Variants in LRRC8B observed in about 807,000 individuals in gnomAD.
LRRC8B encodes the protein leucine rich repeat containing 8 VRAC subunit B.
In LRRC8B, 23 loss-of-function variants were observed where a neutral mutation model predicts 58.8. That is an observed-to-expected ratio of 0.39 (90% CI 0.28 to 0.55). The LOEUF is 0.55. Among genes scored for constraint, LRRC8B ranks in the 20% least tolerant of loss-of-function variants. The pLI is 0.62. For missense variants in LRRC8B, 694 were observed against 936.0 expected (o/e 0.74, Z 3.37); for synonymous variants, 359 against 374.1 (o/e 0.96, Z 0.47).
At chr1:89,575,661 C>T (rs1653788087) in intron 3 of LRRC8B, among the ~76,000 whole-genome samples, 3 of 151,558 alleles carry the variant, frequency 2.0e-5, no homozygotes, top group African/African-American at 7.2e-5. Flanking sequence ...TGAATACACC[C>T]TAAAAGTTTG....
chr1:89,562,080 G>A (rs558869163), intron 1 of LRRC8B, among the ~76,000 whole-genome samples: 1 of 150,290 alleles, frequency 6.7e-6, no homozygotes, highest in Non-Finnish European at 1.5e-5. Flanking sequence ...TTTCACATAG[G>A]CACCCAGTAA....
intron 1 of LRRC8B, among the ~76,000 whole-genome samples, chr1:89,548,520 T>C (rs1651576236): frequency 6.6e-6 from 1 of 152,200 alleles, no homozygotes; most frequent in African/African-American, 2.4e-5. Context: ...ATTAAGTTAA[T>C]GTGAGTTTCT....
chr1:89,580,488 C>T (rs971216958), intron 4 of LRRC8B, among the ~76,000 whole-genome samples: 3 of 152,170 alleles, frequency 2.0e-5, no homozygotes, highest in Admixed American at 2.0e-4. Flanking sequence ...TTCTTTCATC[C>T]AGCAGTGTTT....
At chr1:89,579,812 A>G (rs1325941271) in intron 4 of LRRC8B, 124 bp downstream of exon 4, 1 of 152,498 alleles carries the variant, frequency 6.6e-6, no homozygotes, top group African/African-American at 2.4e-5. Context: ...ATTCTTCTAC[A>G]ATTTCAGTTG....
At chr1:89,527,959 A>G (rs1649824293) in intron 1 of LRRC8B, among the ~76,000 whole-genome samples, 1 of 152,238 alleles carries the variant, frequency 6.6e-6, no homozygotes, top group Non-Finnish European at 1.5e-5. Context: ...ACCTGAGTAA[A>G]GGAAATGAAT....
intron 1 of LRRC8B, among the ~76,000 whole-genome samples, chr1:89,556,601 T>G (rs2100933927): frequency 6.6e-6 from 1 of 152,138 alleles, no homozygotes; most frequent in East Asian, 1.9e-4. Flanking sequence ...GATTGAATTT[T>G]AGGACACCCA....
Position 89,583,526 on chromosome 1 carries a change from T to A in LRRC8B, c.876T>A (p.Asp292Glu). 6.2e-7 allele frequency: 1 copy of A among 1,613,148 alleles called. No individual in the cohort carries two copies. Among genetic ancestry groups the A allele is most frequent in the Non-Finnish European group, 8.5e-7 (1 of 1,180,048 alleles). Residue 292 changes from aspartate (D) to glutamate (E), a missense_variant, in exon 5 of 6, where the codon GAT becomes GAA. Transcript: ENST00000330947. The surrounding 1 kb of genome is among the most constrained non-coding windows in gnomAD (Gnocchi z 5.2). ...HITLEIDCSV[D>E]VQAFTGYKRY... ...CTCTTGAAATCGACTGTTCAGTTGA[T>A]GTGCAGGCTTTTACAGGATATAAGC...
rs1199632309 is a variant in LRRC8B at position 89,584,548 on chromosome 1, A to AGAATC, written c.1899_1903dup (p.Leu635ArgfsTer6). On this transcript the variant is annotated frameshift_variant, in exon 5 of 6. Transcript: ENST00000330947. LOFTEE classifies it high-confidence loss of function. The stretch of plus-strand genomic sequence containing the variant: ...GAGATCATTAGCTTTCAGCATCTTC[A>AGAATC]GAATCTTTCCTGCTTAAAGTTGTGG... The AGAATC allele has an allele frequency of 6.2e-7, 1 of 1,614,120 alleles. No homozygotes were observed. The highest frequency in any genetic ancestry group is 1.3e-5 in the African/African-American group (1 of 74,946).
At chr1:89,531,579 A>AATAG (rs1196703322) in intron 1 of LRRC8B, among the ~76,000 whole-genome samples, 1 of 152,130 alleles carries the variant, frequency 6.6e-6, no homozygotes, top group Non-Finnish European at 1.5e-5. Context: ...CCTCAGATAG[A>AATAG]ATAGATGGTA....
In LRRC8B at chr1:89,558,510, C is replaced by T. The variant is rs566325179; in HGVS notation, c.-240-9737C>T. Among the ~76,000 whole-genome samples the T allele has an allele frequency of 2.9e-3, 445 of 152,194 alleles. 3 individuals are homozygous for T. The highest frequency in any genetic ancestry group is 4.3e-3 in the Non-Finnish European group (292 of 68,010). On this transcript the variant is annotated intron_variant, in intron 1 of 5. Coordinates refer to ENST00000330947, the MANE Select transcript of LRRC8B (RefSeq NM_001369817.2). ...GAAAGGAGGCAATTTCAGAGTCGTC[C>T]AGCCCAAAGATGACATGGGCCCCAT...
Position 89,583,203 on chromosome 1 carries a change from A to C in LRRC8B, c.553A>C (p.Lys185Gln). The C allele has an allele frequency of 2.5e-6, 4 of 1,614,132 alleles. No homozygotes were observed. The highest frequency in any genetic ancestry group is 3.4e-6 in the Non-Finnish European group (4 of 1,180,032). Residue 185 changes from lysine (K) to glutamine (Q), a missense_variant, in exon 5 of 6, where the codon AAG becomes CAG. Around this residue, in one of 5 missense-constraint regions of LRRC8B, gnomAD observed 316 missense variants for 403.8 expected, o/e 0.78. Transcript: ENST00000330947. The surrounding 1 kb of genome is among the most constrained non-coding windows in gnomAD (Gnocchi z 5.2). ...GTCAGTGAGGCCTCTGAAACTCTCC[A>C]AGTCCAAGATTTTGCTTTCGTCCTC... ...EQSVRPLKLS[K>Q]SKILLSSSGC...
At chr1:89,526,756 C>T (rs1649732682) in intron 1 of LRRC8B, among the ~76,000 whole-genome samples, 2 of 152,210 alleles carry the variant, frequency 1.3e-5, no homozygotes, top group African/African-American at 4.8e-5. Flanking sequence ...TCCCCAACAA[C>T]ATTTTTAAAT....
intron 3 of LRRC8B, among the ~76,000 whole-genome samples, chr1:89,575,267 T>G (rs1318468870): frequency 2.0e-5 from 3 of 152,194 alleles, no homozygotes. Flanking sequence ...TAGATTTTGG[T>G]GGATGTGTCA....
chr1:89,527,462 A>G (rs1570541966), intron 1 of LRRC8B, among the ~76,000 whole-genome samples: 1 of 152,240 alleles, frequency 6.6e-6, no homozygotes. Context: ...CTCCACTGCT[A>G]TCCTGACTCC....
intron 1 of LRRC8B, among the ~76,000 whole-genome samples, chr1:89,527,475 GAGCACTGGGT>G (rs2100765015): frequency 6.6e-6 from 1 of 152,344 alleles, no homozygotes; most frequent in South Asian, 2.1e-4. Flanking sequence ...CTGACTCCCA[GAGCACTGGGT>G]ACATCAGCAA....
intron 1 of LRRC8B, among the ~76,000 whole-genome samples, chr1:89,567,571 G>A (rs537006786): frequency 2.6e-5 from 4 of 152,254 alleles, no homozygotes; most frequent in Admixed American, 2.0e-4. Flanking sequence ...ATATGGATTA[G>A]CAATTTTTTT....
At chr1:89,581,269 G>C (rs867151194) in intron 4 of LRRC8B, among the ~76,000 whole-genome samples, 1 of 82,680 alleles carries the variant, frequency 1.2e-5, no homozygotes, top group Non-Finnish European at 2.3e-5. Context: ...ACTAGACTCC[G>C]TCTCAAAAAA....
chr1:89,556,442 C>T (rs1652196931), intron 1 of LRRC8B, among the ~76,000 whole-genome samples: 2 of 151,982 alleles, frequency 1.3e-5, no homozygotes, highest in South Asian at 2.1e-4. Flanking sequence ...TATGGGAACC[C>T]CCAAATTTAT....
At chr1:89,543,841 C>A (rs1295910637) in intron 1 of LRRC8B, among the ~76,000 whole-genome samples, 1 of 149,458 alleles carries the variant, frequency 6.7e-6, no homozygotes, top group Non-Finnish European at 1.5e-5. Context: ...AGGCTGGAGT[C>A]CAGTGGCACT....
Sources: allele counts gnomAD v4.1 joint callset (sites outside exome capture counted in the v4.1 genomes callset), GRCh38; gene constraint gnomAD v4.1.1; regional missense constraint gnomAD v4.1.1; non-coding constraint Gnocchi (gnomAD v3.1); transcripts MANE v1.5; gene names NCBI Gene and HGNC (gene_info 2026-07-23, HGNC 2026-07-21).